Variants in RBFOX1 observed in about 807,000 individuals in gnomAD.
RBFOX1 encodes the protein RNA binding protein fox-1 homolog 1.
In RBFOX1, 8 loss-of-function variants were observed where a neutral mutation model predicts 57.7. That is an observed-to-expected ratio of 0.14 (90% CI 0.08 to 0.25). The LOEUF is 0.25. Among genes scored for constraint, RBFOX1 ranks in the 10% least tolerant of loss-of-function variants. The probability of loss-of-function intolerance (pLI) is 1.00; values close to 1 mark genes in which losing one functional copy is unlikely to be tolerated. For missense variants in RBFOX1, 611 were observed against 548.5 expected (o/e 1.11, Z -1.14); for synonymous variants, 326 against 222.4 (o/e 1.47, Z -4.15).
intron 4 of RBFOX1, among the ~76,000 whole-genome samples, chr16:7,263,470 A>G (rs983526928): frequency 3.3e-5 from 5 of 152,174 alleles, no homozygotes; most frequent in African/African-American, 9.7e-5. Flanking sequence ...AGAAGAGACC[A>G]ATTTAAACCA....
chr16:5,682,811 G>A (rs1457844729), intron 3 of RBFOX1, among the ~76,000 whole-genome samples: 1 of 152,168 alleles, frequency 6.6e-6, no homozygotes. Context: ...CACCAGAACT[G>A]GCAGTCTGAT....
chr16:6,942,462 A>G (rs1216687742), intron 3 of RBFOX1, among the ~76,000 whole-genome samples: 1 of 152,118 alleles, frequency 6.6e-6, no homozygotes, highest in African/African-American at 2.4e-5. Flanking sequence ...CCCAGCCAGG[A>G]TGAGCTTTAA....
chr16:5,770,153 C>T (rs1392438362), intron 3 of RBFOX1, among the ~76,000 whole-genome samples: 2 of 152,068 alleles, frequency 1.3e-5, no homozygotes, highest in Non-Finnish European at 2.9e-5. Context: ...ATGAGCTATG[C>T]TTAAGTGAGA....
intron 2 of RBFOX1, among the ~76,000 whole-genome samples, chr16:6,529,003 G>T (rs2153814941): frequency 6.6e-6 from 1 of 152,180 alleles, no homozygotes; most frequent in South Asian, 2.1e-4. Flanking sequence ...AATCCTCCTT[G>T]GCAGGTGTGC....
rs181599994 is a variant in RBFOX1 at position 6,711,861 on chromosome 16, C to A, written c.-16+57211C>A. Among the ~76,000 whole-genome samples, 427 of 152,260 alleles carry A rather than the reference C, an allele frequency of 2.8e-3. 1 individual carries two copies. Among genetic ancestry groups the A allele is most frequent in the Non-Finnish European group, 4.4e-3 (298 of 68,020 alleles). On this transcript the variant is annotated intron_variant, in intron 3 of 15. Coordinates refer to ENST00000550418, the MANE Select transcript of RBFOX1 (RefSeq NM_018723.4). ...CAGGTACCCCTAGGTCTTATTCCTA[C>A]CCAATTTGAGGTCTTTACTCAAAAA...
In RBFOX1 at chr16:6,877,730, A is replaced by G. The variant is rs114004849; in HGVS notation, c.-15-174327A>G. On this transcript the variant is annotated intron_variant, in intron 3 of 15. Transcript: ENST00000550418. ...ATAGAGGCTCAAAGAAGTTTCCAAT[A>G]TAGTAAGAATTATTTCTGTAGGACT... Among the ~76,000 whole-genome samples, 1,233 of 152,300 alleles carry G rather than the reference A, an allele frequency of 8.1e-3. 19 individuals carry two copies. Among genetic ancestry groups the G allele is most frequent in the African/African-American group, 0.028 (1,168 of 41,566 alleles).
chr16:6,727,321 C>G (rs536351872), intron 3 of RBFOX1, among the ~76,000 whole-genome samples: 1 of 152,014 alleles, frequency 6.6e-6, no homozygotes, highest in South Asian at 2.1e-4. Flanking sequence ...AAAAAAAACG[C>G]AATTGCTTTT....
intron 3 of RBFOX1, among the ~76,000 whole-genome samples, chr16:6,695,072 G>T (rs2154136472): frequency 6.6e-6 from 1 of 152,232 alleles, no homozygotes; most frequent in Middle Eastern, 3.4e-3. Context: ...ACTTTTAGAT[G>T]AATGCTATTT....
intron 2 of RBFOX1, among the ~76,000 whole-genome samples, chr16:5,502,991 A>T (rs1387435095): frequency 6.6e-6 from 1 of 152,224 alleles, no homozygotes; most frequent in Non-Finnish European, 1.5e-5. Flanking sequence ...TGTCCAATAC[A>T]CATCTCTCCT....
At chr16:6,073,179 C>T (rs1404626254) in intron 1 of RBFOX1, among the ~76,000 whole-genome samples, 3 of 152,140 alleles carry the variant, frequency 2.0e-5, no homozygotes, top group Non-Finnish European at 4.4e-5. Context: ...ATAACTAAGC[C>T]TTCATCCCTT....
At chr16:6,767,950 GAAGAAGAAGAAGAAGAAGAAGAA>G (rs2077628711) in intron 3 of RBFOX1, among the ~76,000 whole-genome samples, 1 of 105,246 alleles carries the variant, frequency 9.5e-6, no homozygotes, top group African/African-American at 3.7e-5. Context: ...ATAATAATAA[GAAGAAGAAGAAGAAGAAGAAGAA>G]GAAGAAGAAG....
intron 1 of RBFOX1, among the ~76,000 whole-genome samples, chr16:5,311,510 C>A (rs1325720994): frequency 6.6e-6 from 1 of 152,160 alleles, no homozygotes; most frequent in Non-Finnish European, 1.5e-5. Flanking sequence ...AATTTACTTT[C>A]CCACCAGCAG....
chr16:7,277,399 C>T (rs556484304), intron 4 of RBFOX1, among the ~76,000 whole-genome samples: 9 of 152,296 alleles, frequency 5.9e-5, no homozygotes, highest in African/African-American at 2.2e-4. Context: ...ATCTCCCACC[C>T]ATCTCCAGCT....
At chr16:7,375,217 T>G (rs775552288) in intron 4 of RBFOX1, among the ~76,000 whole-genome samples, 4 of 152,230 alleles carry the variant, frequency 2.6e-5, no homozygotes, top group Non-Finnish European at 5.9e-5. Context: ...GTACATCGTT[T>G]CAGTGACCAA....
At chr16:7,371,176 A>G (rs1228497078) in intron 4 of RBFOX1, among the ~76,000 whole-genome samples, 1 of 152,088 alleles carries the variant, frequency 6.6e-6, no homozygotes, top group Non-Finnish European at 1.5e-5. Flanking sequence ...TGGCCCCATC[A>G]CTTGAAGCTC....
intron 4 of RBFOX1, among the ~76,000 whole-genome samples, chr16:5,915,726 G>A (rs1451397585): frequency 2.6e-5 from 4 of 152,122 alleles, no homozygotes; most frequent in Non-Finnish European, 4.4e-5. Flanking sequence ...CAGCTACTCC[G>A]GAGGCTGAGG....
chr16:6,667,977 AC>A (rs1305039128), intron 3 of RBFOX1, among the ~76,000 whole-genome samples: 1 of 152,138 alleles, frequency 6.6e-6, no homozygotes, highest in Admixed American at 6.5e-5. Flanking sequence ...TAAATCTTTG[AC>A]TCTGTTTCTT....
At position 7,582,123 on chromosome 16, in the gene RBFOX1, G is replaced by C. The variant is rs185440245; in HGVS notation, c.414+2203G>C. Among the ~76,000 whole-genome samples the C allele has an allele frequency of 1.0e-3, 154 of 151,798 alleles. 2 individuals carry two copies. The highest frequency in any genetic ancestry group is 4.3e-4 in the Non-Finnish European group (29 of 67,986). ...CGGCTCATTGCAACCTTTCTCCTGGGTTCAAGCGATTCTTGTGCCTCAGCT... is the reference window on the plus strand; with the variant it reads ...CGGCTCATTGCAACCTTTCTCCTGGCTTCAAGCGATTCTTGTGCCTCAGCT... On this transcript the variant is annotated intron_variant, in intron 6 of 15. Coordinates refer to ENST00000550418, the MANE Select transcript of RBFOX1 (RefSeq NM_018723.4).
Position 6,019,082 on chromosome 16 carries a change from CACAG to C in RBFOX1, c.-1033_-1030del. On this transcript the variant is annotated 5_prime_UTR_variant, in exon 1 of 16. Transcript: ENST00000550418. The surrounding 1 kb of genome is among the most constrained non-coding windows in gnomAD (Gnocchi z 4.2). Reference sequence around the variant, plus strand: ...GCTGCTTGTCGCGCGCTCACACACACACAGACACACACGCACACACACACATGCA... The same window carrying C: ...GCTGCTTGTCGCGCGCTCACACACACACACACACGCACACACACACATGCA... 4.1e-6 allele frequency: 4 copies of C among 984,544 alleles called. No individual in the cohort carries two copies. Among genetic ancestry groups the C allele is most frequent in the East Asian group, 1.2e-4 (1 of 8,676 alleles). The allele number at this position is 984,544 out of a possible 1,614,324, so 61.0% of individuals were successfully genotyped here.
Sources: allele counts gnomAD v4.1 joint callset (sites outside exome capture counted in the v4.1 genomes callset), GRCh38; gene constraint gnomAD v4.1.1; non-coding constraint Gnocchi (gnomAD v3.1); transcripts MANE v1.5; gene names NCBI Gene and HGNC (gene_info 2026-07-23, HGNC 2026-07-21).